Variants in NPRL3 observed in about 807,000 individuals in gnomAD.
The protein encoded by NPRL3 is GATOR1 complex protein NPRL3.
Under a neutral mutation model 57.2 loss-of-function variants are expected in NPRL3, and 23 were observed. The observed-to-expected ratio is 0.40, with a 90% CI of 0.29 to 0.57. The LOEUF is 0.57. Ranked by LOEUF, NPRL3 falls within the 20% of genes least tolerant of loss-of-function variation. The pLI is 0.42. For missense variants in NPRL3, 691 were observed against 767.1 expected (o/e 0.90, Z 1.17); for synonymous variants, 333 against 321.1 (o/e 1.04, Z -0.39).
rs1596548259 is a variant in NPRL3 at position 138,338 on chromosome 16, AGGAGGACGGAGCCGGAGGCGGAGGGG to A, written c.-67-30_-67-5del. 11 of 1,111,110 alleles carry A rather than the reference AGGAGGACGGAGCCGGAGGCGGAGGGG, an allele frequency of 9.9e-6. No homozygotes were observed. In the East Asian group the frequency reaches 3.2e-4, roughly 33 times the overall value. 68.8% of individuals were successfully genotyped at this position (1,111,110 alleles called of 1,614,324 possible). A position where few individuals can be genotyped will look rare whatever the true frequency, so the allele number is the denominator to read the frequency against. On this transcript the variant is annotated splice_polypyrimidine_tract_variant and splice_region_variant and intron_variant, in intron 1 of 13. Coordinates refer to ENST00000611875, the MANE Select transcript of NPRL3 (RefSeq NM_001077350.3). ...CGGAGCCGGAGGCGGAGGGGGCCTG[AGGAGGACGGAGCCGGAGGCGGAGGGG>A]GCCTGAGGAGGACGAGGCGGGGACG...
intron 2 of NPRL3, among the ~76,000 whole-genome samples, chr16:134,699 T>TA (rs1567150261): frequency 7.5e-6 from 1 of 132,680 alleles, no homozygotes; most frequent in Non-Finnish European, 1.6e-5. Flanking sequence ...TTATTATTTT[T>TA]TTTTTTTTTT....
chr16:127,562 A>C (rs537257976), intron 3 of NPRL3, among the ~76,000 whole-genome samples: 28 of 152,178 alleles, frequency 1.8e-4, no homozygotes, highest in African/African-American at 6.7e-4. Context: ...TGTGATGGGA[A>C]TATTCCAAAT....
intron 13 of NPRL3, 29 bp from the exon 14 acceptor site, chr16:86,899 A>G: frequency 6.3e-7 from 1 of 1,598,196 alleles, no homozygotes; most frequent in Non-Finnish European, 8.5e-7. Context: ...TGTGAGCCCA[A>G]CCTGACACCA....
chr16:95,354 C>T (rs200373200), intron 9 of NPRL3, among the ~76,000 whole-genome samples: 4,138 of 23,472 alleles, frequency 0.18, 61 homozygotes, highest in South Asian at 0.33. Flanking sequence ...TATATATACA[C>T]ACACACACAC....
intron 2 of NPRL3, among the ~76,000 whole-genome samples, chr16:136,819 A>G (rs867107236): frequency 2.6e-5 from 4 of 152,248 alleles, no homozygotes; most frequent in Admixed American, 1.3e-4. Context: ...ATAGTAGGAA[A>G]GAACTTTCTT....
At chr16:110,075 C>G (rs951306189) in intron 7 of NPRL3, among the ~76,000 whole-genome samples, 3 of 152,122 alleles carry the variant, frequency 2.0e-5, no homozygotes, top group South Asian at 2.1e-4. Context: ...CGGGAGACCA[C>G]CCTGACCAAC....
chr16:99,666 A>G (rs1899185136), intron 8 of NPRL3, among the ~76,000 whole-genome samples: 1 of 150,746 alleles, frequency 6.6e-6, no homozygotes, highest in Non-Finnish European at 1.5e-5. Context: ...CAATTAAATT[A>G]AGAAAGTATA....
chr16:104,475 G>A (rs1899446140), intron 7 of NPRL3, among the ~76,000 whole-genome samples: 2 of 152,188 alleles, frequency 1.3e-5, no homozygotes, highest in Admixed American at 6.5e-5. Context: ...GTCACATGAA[G>A]GTTCTTCTAG....
intron 3 of NPRL3, among the ~76,000 whole-genome samples, chr16:120,727 A>G (rs1338134572): frequency 6.6e-6 from 1 of 152,200 alleles, no homozygotes; most frequent in Non-Finnish European, 1.5e-5. Flanking sequence ...CGCAGGACCC[A>G]CAGCCAAGTC....
chr16:137,147 G>C (rs1428566747), intron 2 of NPRL3, among the ~76,000 whole-genome samples: 1 of 152,134 alleles, frequency 6.6e-6, no homozygotes, highest in Non-Finnish European at 1.5e-5. Flanking sequence ...TTGAGCCCGG[G>C]AGGTGGAGGC....
At position 93,363 on chromosome 16, in the gene NPRL3, G is replaced by T. The variant is rs532079466; in HGVS notation, c.925-38C>A. 5 of 1,389,048 alleles carry T rather than the reference G, an allele frequency of 3.6e-6. No individual in the cohort carries two copies. The Admixed American group carries it at 9.8e-5, about 27-fold the overall frequency. The allele number at this position is 1,389,048 out of a possible 1,614,324, so 86.0% of individuals were successfully genotyped here. A position where few individuals can be genotyped will look rare whatever the true frequency, so the allele number is the denominator to read the frequency against. ...GGGAAGCTGCAAGGACCATGCCTGAGGCTGGCCCACCGGGAGCTGTCAGCA... is the reference window on the plus strand; with the variant it reads ...GGGAAGCTGCAAGGACCATGCCTGATGCTGGCCCACCGGGAGCTGTCAGCA... On this transcript the variant is annotated intron_variant, in intron 9 of 13. Coordinates refer to ENST00000611875, the MANE Select transcript of NPRL3 (RefSeq NM_001077350.3).
chr16:117,651 G>C (rs919426640), intron 4 of NPRL3, among the ~76,000 whole-genome samples: 1 of 152,198 alleles, frequency 6.6e-6, no homozygotes, highest in African/African-American at 2.4e-5. Flanking sequence ...GGGCATAAAT[G>C]GGTGGAGGAC....
At chr16:96,735 T>C (rs994158605) in intron 9 of NPRL3, among the ~76,000 whole-genome samples, 7 of 151,096 alleles carry the variant, frequency 4.6e-5, no homozygotes, top group African/African-American at 1.5e-4. Context: ...GGGTGGATCA[T>C]GATGGCACCA....
intron 7 of NPRL3, among the ~76,000 whole-genome samples, chr16:102,652 G>A (rs1460441632): frequency 1.3e-5 from 2 of 152,160 alleles, no homozygotes; most frequent in African/African-American, 4.8e-5. Flanking sequence ...CCCAGTTGGC[G>A]GGACAGGCCA....
intron 9 of NPRL3, among the ~76,000 whole-genome samples, chr16:96,177 T>C (rs1487606436): frequency 2.6e-5 from 4 of 152,164 alleles, no homozygotes; most frequent in Non-Finnish European, 4.4e-5. Context: ...AGGCACACTG[T>C]CCACACAAAC....
intron 2 of NPRL3, among the ~76,000 whole-genome samples, chr16:136,957 C>T (rs1219363709): frequency 6.6e-6 from 1 of 150,968 alleles, no homozygotes; most frequent in East Asian, 1.9e-4. Flanking sequence ...CCTGTAATCC[C>T]AGTACTTTGG....
chr16:117,288 T>C lies in NPRL3; in HGVS notation c.393+13A>G, dbSNP rs767844249. On this transcript the variant is annotated intron_variant, in intron 5 of 13. Transcript: ENST00000611875. ...CCCACTCCCTGATCTTAACCATTTA[T>C]ATAAACACTCACCCTCAGTGCAAAC... is the stretch of plus-strand genomic sequence containing the variant. 17 of 1,587,070 alleles carry C rather than the reference T, an allele frequency of 1.1e-5. No individual in the cohort carries two copies. In the South Asian group the frequency reaches 1.6e-4, roughly 15 times the overall value.
In NPRL3 at chr16:119,108, G is replaced by T. The variant is rs1900175872; in HGVS notation, c.318+18C>A. ...CATCTGCCCAGGGAGAGCCCCACCT[G>T]CCCAGGGAGAGCCATACCTGCCCCA... is the stretch of plus-strand genomic sequence containing the variant. On this transcript the variant is annotated intron_variant, in intron 4 of 13. Coordinates refer to ENST00000611875, the MANE Select transcript of NPRL3 (RefSeq NM_001077350.3). 6.2e-7 allele frequency: 1 copy of T among 1,612,326 alleles called. No homozygotes were observed. The highest frequency in any genetic ancestry group is 8.5e-7 in the Non-Finnish European group (1 of 1,178,910).
intron 3 of NPRL3, among the ~76,000 whole-genome samples, chr16:126,626 C>A (rs935130696): frequency 6.6e-6 from 1 of 152,030 alleles, no homozygotes; most frequent in Non-Finnish European, 1.5e-5. Context: ...ACCAGCCTTT[C>A]TGAGGGACAC....
Sources: gnomAD v4.1 joint callset for allele counts (sites outside exome capture counted in the v4.1 genomes callset) on GRCh38, gnomAD v4.1.1 for gene constraint, MANE v1.5 for transcripts, NCBI Gene and HGNC (gene_info 2026-07-23, HGNC 2026-07-21) for gene names.